SLC35F4: variants seen among roughly 807,000 people sequenced by gnomAD.
The protein encoded by SLC35F4 is solute carrier family 35 member F4, also known as chromosome 14 open reading frame 36.
Under a neutral mutation model 44.2 loss-of-function variants are expected in SLC35F4, and 24 were observed. The ratio of observed to expected loss-of-function variants is 0.54; its 90% CI spans 0.39 to 0.76. The LOEUF (loss-of-function observed/expected upper bound fraction) is 0.76, where lower values mean the gene tolerates loss of function less well. SLC35F4 is among the 30% of genes least tolerant of loss of function. SLC35F4 has a pLI of 0.00. For synonymous variants in SLC35F4, 238 were observed against 223.6 expected, an observed-to-expected ratio of 1.06 and a Z score of -0.57; for missense variants, 562 against 586.1, an observed-to-expected ratio of 0.96 and a Z score of 0.42.
intron 1 of SLC35F4, among the ~76,000 whole-genome samples, chr14:57,955,954 T>C (rs1197541327): frequency 6.6e-6 from 1 of 152,106 alleles, no homozygotes; most frequent in East Asian, 1.9e-4. Flanking sequence ...AAATTTTCTA[T>C]GGAACCAAAA....
intron 1 of SLC35F4, chr14:57,799,290 C>T (rs2078129714): frequency 6.6e-6 from 1 of 152,454 alleles, no homozygotes; most frequent in Middle Eastern, 3.4e-3. Context: ...ATCTGTGCAA[C>T]CCATGGATCA....
In SLC35F4 at chr14:57,626,386, T is replaced by A. The variant is rs1343893683; in HGVS notation, c.104-32262A>T. On this transcript the variant is annotated intron_variant, in intron 1 of 7. Transcript: ENST00000556826. The stretch of plus-strand genomic sequence containing the variant: ...TCTGTAAAATGGCAAAAAAAAAAAA[T>A]TCAGTCATATAGAAAGCATCAGCGA... Among the ~76,000 whole-genome samples, 11 of 135,502 alleles carry A rather than the reference T, an allele frequency of 8.1e-5. No homozygotes were observed. The South Asian group carries it at 1.4e-3, about 18-fold the overall frequency. The allele number at this position is 135,502 out of a possible 152,430, so 88.9% of individuals were successfully genotyped here.
At chr14:57,861,003 A>G (rs895947619) in intron 1 of SLC35F4, among the ~76,000 whole-genome samples, 2 of 152,088 alleles carry the variant, frequency 1.3e-5, no homozygotes, top group Non-Finnish European at 1.5e-5. Context: ...TACTTGTTCT[A>G]TGCCTTTACT....
chr14:57,630,445 G>A lies in SLC35F4; in HGVS notation c.104-36321C>T. ...AATCTAAATCCAATTCAAGATCACG[G>A]TCCAAGTCCCAGCCCAAGAGAGAAA... On this transcript the variant is annotated intron_variant, in intron 1 of 7. Transcript: ENST00000556826. 5 of 757,522 alleles carry A rather than the reference G, an allele frequency of 6.6e-6. No homozygotes were observed. In the South Asian group the frequency reaches 6.9e-5, roughly 10 times the overall value. 46.9% of individuals were successfully genotyped at this position (757,522 alleles called of 1,614,324 possible). A position where few individuals can be genotyped will look rare whatever the true frequency, so the allele number is the denominator to read the frequency against.
chr14:57,932,356 T>G (rs937826323), intron 1 of SLC35F4, among the ~76,000 whole-genome samples: 1 of 152,238 alleles, frequency 6.6e-6, no homozygotes, highest in Admixed American at 6.5e-5. Flanking sequence ...AATCTATAGA[T>G]AGTGTGACCA....
intron 1 of SLC35F4, among the ~76,000 whole-genome samples, chr14:57,935,297 A>C (rs1477641228): frequency 6.6e-6 from 1 of 152,260 alleles, no homozygotes; most frequent in Non-Finnish European, 1.5e-5. Flanking sequence ...ATGAATGAAC[A>C]GAAACAGGAG....
intron 1 of SLC35F4, among the ~76,000 whole-genome samples, chr14:57,729,838 A>G (rs1000056890): frequency 6.6e-6 from 1 of 152,202 alleles, no homozygotes. Flanking sequence ...ACCCCAGAGC[A>G]CTTCAGGCCA....
chr14:57,972,503 A>G (rs192499331), downstream of SLC35F4, among the ~76,000 whole-genome samples: 511 of 152,230 alleles, frequency 3.4e-3, 3 homozygotes, highest in African/African-American at 0.011. Context: ...TTTGGTAGGG[A>G]AAAAAAGGAA....
intron 1 of SLC35F4, among the ~76,000 whole-genome samples, chr14:57,942,007 T>A (rs1004269172): frequency 4.6e-5 from 7 of 152,192 alleles, no homozygotes; most frequent in African/African-American, 1.7e-4. Flanking sequence ...GCAAAGTCTT[T>A]TCCTTTGTCC....
At chr14:57,786,366 T>C (rs1300889097) in intron 1 of SLC35F4, among the ~76,000 whole-genome samples, 1 of 152,152 alleles carries the variant, frequency 6.6e-6, no homozygotes, top group African/African-American at 2.4e-5. Flanking sequence ...CATATAATCT[T>C]GGGAGTTCTA....
chr14:57,808,526 C>T (rs896034307), intron 1 of SLC35F4, among the ~76,000 whole-genome samples: 2 of 151,920 alleles, frequency 1.3e-5, no homozygotes, highest in African/African-American at 4.9e-5. Flanking sequence ...AAATTTAAAA[C>T]TTAAAAATTA....
intron 1 of SLC35F4, among the ~76,000 whole-genome samples, chr14:57,644,155 A>T (rs2073383764): frequency 6.6e-6 from 1 of 152,210 alleles, no homozygotes; most frequent in Non-Finnish European, 1.5e-5. Flanking sequence ...GCTGGGTCAA[A>T]TGGTATTTCT....
At chr14:57,665,950 G>C (rs530073203) in intron 1 of SLC35F4, among the ~76,000 whole-genome samples, 1 of 152,184 alleles carries the variant, frequency 6.6e-6, no homozygotes. Flanking sequence ...GACACATAGA[G>C]GGGGAACAAC....
chr14:57,950,675 C>CTTCTTTTTT (rs1890119834), intron 1 of SLC35F4, among the ~76,000 whole-genome samples: 1 of 127,212 alleles, frequency 7.9e-6, no homozygotes. Context: ...TTCTTTCTTT[C>CTTCTTTTTT]TTTTTTTTTT....
At chr14:57,656,642 G>A (rs7143788) in intron 1 of SLC35F4, among the ~76,000 whole-genome samples, 58,719 of 151,740 alleles carry the variant, frequency 0.39, 11,468 homozygotes, top group South Asian at 0.5. Context: ...TATGTGCTCA[G>A]CATCCCCTCT....
intron 1 of SLC35F4, among the ~76,000 whole-genome samples, chr14:57,639,456 A>C (rs2140155310): frequency 6.6e-6 from 1 of 152,042 alleles, no homozygotes; most frequent in African/African-American, 2.4e-5. Flanking sequence ...AAGTCTATAA[A>C]ATTTTGTGTT....
intron 1 of SLC35F4, among the ~76,000 whole-genome samples, chr14:57,785,503 G>A (rs1287646795): frequency 1.3e-5 from 2 of 152,142 alleles, no homozygotes; most frequent in Admixed American, 1.3e-4. Flanking sequence ...ATAACTGTAA[G>A]AACAAACCAG....
intron 1 of SLC35F4, among the ~76,000 whole-genome samples, chr14:57,818,958 C>A (rs1882887954): frequency 6.6e-6 from 1 of 152,166 alleles, no homozygotes; most frequent in Non-Finnish European, 1.5e-5. Context: ...TAGAAACATT[C>A]CCTTTAAATT....
chr14:57,753,065 C>G (rs1013170045), intron 1 of SLC35F4, among the ~76,000 whole-genome samples: 2 of 152,094 alleles, frequency 1.3e-5, no homozygotes, highest in Admixed American at 1.3e-4. Context: ...TGAGAACTGC[C>G]GGGGAGAGAA....
Sources: allele counts gnomAD v4.1 joint callset (sites outside exome capture counted in the v4.1 genomes callset), GRCh38; gene constraint gnomAD v4.1.1; transcripts MANE v1.5; gene names NCBI Gene and HGNC (gene_info 2026-07-23, HGNC 2026-07-21).